Variants in ZNRF2 observed in about 807,000 individuals in gnomAD.
The protein encoded by ZNRF2 is E3 ubiquitin-protein ligase ZNRF2.
In ZNRF2, 16 loss-of-function variants were observed where a neutral mutation model predicts 20.4. The observed-to-expected ratio is 0.79, with a 90% CI of 0.53 to 1.19. ZNRF2 has a LOEUF of 1.19. Ranked by LOEUF, ZNRF2 falls within the 50% of genes most tolerant of loss-of-function variation. ZNRF2 has a pLI of 0.00. For synonymous variants in ZNRF2, 178 were observed against 144.9 expected, an observed-to-expected ratio of 1.23 and a Z score of -1.64; for missense variants, 363 against 332.4, an observed-to-expected ratio of 1.09 and a Z score of -0.72.
intron 1 of ZNRF2, among the ~76,000 whole-genome samples, chr7:30,286,695 T>G (rs978022821): frequency 2.6e-5 from 4 of 152,212 alleles, no homozygotes; most frequent in African/African-American, 9.7e-5. Flanking sequence ...CTGATCTACT[T>G]TATTGCAAAA....
intron 2 of ZNRF2, among the ~76,000 whole-genome samples, chr7:30,331,273 G>A (rs1799631635): frequency 6.6e-6 from 1 of 152,008 alleles, no homozygotes; most frequent in African/African-American, 2.4e-5. Flanking sequence ...TTACCCCTAA[G>A]AACTTTTAAA....
intron 2 of ZNRF2, among the ~76,000 whole-genome samples, chr7:30,342,692 G>A (rs532463372): frequency 6.6e-6 from 1 of 152,128 alleles, no homozygotes; most frequent in African/African-American, 2.4e-5. Context: ...TGAGTTTATT[G>A]TGTTGGGGGT....
intron 1 of ZNRF2, among the ~76,000 whole-genome samples, chr7:30,290,995 A>G (rs1798896879): frequency 6.6e-6 from 1 of 152,202 alleles, no homozygotes; most frequent in Admixed American, 6.5e-5. Flanking sequence ...CAAATTCTGT[A>G]ATAGAACTGT....
intron 1 of ZNRF2, among the ~76,000 whole-genome samples, chr7:30,300,873 TG>T (rs1243601315): frequency 6.6e-6 from 1 of 152,244 alleles, no homozygotes; most frequent in Non-Finnish European, 1.5e-5. Flanking sequence ...TCTGCTTATA[TG>T]TTTCTTTTTT....
Position 30,355,785 on chromosome 7 carries a change from A to G in ZNRF2, c.623A>G (p.Gln208Arg), listed in dbSNP as rs1331015548. Residue 208 changes from glutamine to arginine, a missense_variant, in exon 3 of 5, where the codon CAG becomes CGG. By Grantham distance (43) the Gln-to-Arg change is conservative (BLOSUM62 1). Coordinates refer to ENST00000323037, the MANE Select transcript of ZNRF2 (RefSeq NM_147128.4). ...GCAATATGCCTTGAAGAATTGCAGC[A>G]GGGAGATACTATAGCACGACTGCCT... ...ECAICLEELQ[Q>R]GDTIARLPCL... 6.2e-7 allele frequency: 1 copy of G among 1,613,690 alleles called. No individual in the cohort carries two copies. The highest frequency in any genetic ancestry group is 2.2e-5 in the East Asian group (1 of 44,850).
intron 1 of ZNRF2, among the ~76,000 whole-genome samples, chr7:30,286,250 T>A (rs1205744160): frequency 6.6e-6 from 1 of 152,198 alleles, no homozygotes; most frequent in Non-Finnish European, 1.5e-5. Context: ...AGGCCAAAAG[T>A]CAAAGCGTCT....
chr7:30,331,762 A>G (rs982382734), intron 2 of ZNRF2, among the ~76,000 whole-genome samples: 2 of 152,226 alleles, frequency 1.3e-5, no homozygotes, highest in Non-Finnish European at 2.9e-5. Context: ...ACTATAAACC[A>G]CAAATACCAA....
chr7:30,302,692 G>T (rs1318483756), intron 1 of ZNRF2, among the ~76,000 whole-genome samples: 1 of 151,954 alleles, frequency 6.6e-6, no homozygotes, highest in Non-Finnish European at 1.5e-5. Flanking sequence ...TATTTTCTAT[G>T]GTAACACATG....
intron 3 of ZNRF2, among the ~76,000 whole-genome samples, chr7:30,358,409 G>A (rs1800072868): frequency 6.6e-6 from 1 of 152,156 alleles, no homozygotes. Context: ...GAAAGATATA[G>A]GTAATCTGAA....
chr7:30,330,360 C>A (rs563695882), intron 2 of ZNRF2, among the ~76,000 whole-genome samples: 1 of 152,220 alleles, frequency 6.6e-6, no homozygotes, highest in African/African-American at 2.4e-5. Flanking sequence ...TTAAAGTAAA[C>A]ATGTTTGAAG....
At chr7:30,349,065 A>G (rs1309040468) in intron 2 of ZNRF2, among the ~76,000 whole-genome samples, 1 of 152,174 alleles carries the variant, frequency 6.6e-6, no homozygotes. Flanking sequence ...AGCTGTGTGA[A>G]TTGGCATTTT....
chr7:30,306,216 A>G (rs1186868317), intron 1 of ZNRF2, among the ~76,000 whole-genome samples: 2 of 152,210 alleles, frequency 1.3e-5, no homozygotes, highest in East Asian at 1.9e-4. Flanking sequence ...GTTGCCTTAA[A>G]TGGCGGGTAT....
chr7:30,313,415 T>C (rs183019449), intron 1 of ZNRF2, among the ~76,000 whole-genome samples: 2 of 152,296 alleles, frequency 1.3e-5, no homozygotes. Context: ...GCATTATACA[T>C]GTGAGAAGTT....
At chr7:30,354,557 A>G (rs1376619144) in intron 2 of ZNRF2, among the ~76,000 whole-genome samples, 1 of 152,188 alleles carries the variant, frequency 6.6e-6, no homozygotes, top group Non-Finnish European at 1.5e-5. Flanking sequence ...GATAATGTAC[A>G]CAATCAAATT....
At chr7:30,363,435 A>G (rs1292418959) in intron 4 of ZNRF2, among the ~76,000 whole-genome samples, 1 of 152,190 alleles carries the variant, frequency 6.6e-6, no homozygotes, top group Non-Finnish European at 1.5e-5. Context: ...AAGTTCAGAT[A>G]ACTAGTTTGT....
intron 1 of ZNRF2, among the ~76,000 whole-genome samples, chr7:30,323,142 T>TG (rs1288996876): frequency 6.6e-6 from 1 of 152,138 alleles, no homozygotes; most frequent in Admixed American, 6.6e-5. Flanking sequence ...CTAGACCTGT[T>TG]TTTGCTGTTC....
intron 1 of ZNRF2, among the ~76,000 whole-genome samples, chr7:30,290,865 AC>A (rs1408276381): frequency 6.6e-6 from 1 of 152,132 alleles, no homozygotes; most frequent in Non-Finnish European, 1.5e-5. Context: ...CATGAACTTA[AC>A]CCCTTTTAGG....
chr7:30,289,758 G>C (rs1798863446), intron 1 of ZNRF2: 1 of 533,976 alleles, frequency 1.9e-6, no homozygotes, highest in South Asian at 1.4e-5. Flanking sequence ...GGCATCACCT[G>C]ATCTGAGAGC....
Position 30,285,417 on chromosome 7 carries a change from C to T in ZNRF2, c.60C>T (p.Gly20=), listed in dbSNP as rs961253844. 3 of 1,249,082 alleles carry T rather than the reference C, an allele frequency of 2.4e-6. No homozygotes were observed. Among genetic ancestry groups the T allele is most frequent in the African/African-American group, 3.3e-5 (2 of 61,246 alleles). 77.4% of individuals were successfully genotyped at this position (1,249,082 alleles called of 1,614,324 possible). A position where few individuals can be genotyped will look rare whatever the true frequency, so the allele number is the denominator to read the frequency against. Residue 20 remains glycine (G), a synonymous_variant, in exon 1 of 5, where the codon GGC becomes GGT. Transcript: ENST00000323037. The stretch of plus-strand genomic sequence containing the variant: ...ACGGCCGCACGCGCGCGTACTCGGG[C>T]TCGGATCTACCTTCCAGTAGCAGCG... ...AANGRTRAYS[G]SDLPSSSSGG...
Sources: allele counts gnomAD v4.1 joint callset (sites outside exome capture counted in the v4.1 genomes callset), GRCh38; gene constraint gnomAD v4.1.1; transcripts MANE v1.5; gene names NCBI Gene and HGNC (gene_info 2026-07-23, HGNC 2026-07-21).